TRPM3: variants seen among roughly 807,000 people sequenced by gnomAD.
TRPM3 encodes the protein long transient receptor potential channel 3.
A neutral mutation model predicts 181.2 loss-of-function variants in TRPM3; 77 were observed. The ratio of observed to expected loss-of-function variants is 0.42; its 90% CI spans 0.35 to 0.51. The LOEUF is 0.51. Ranked by LOEUF, TRPM3 falls within the 20% of genes least tolerant of loss-of-function variation. The pLI is 0.01. For missense variants in TRPM3, 1,759 were observed against 2,196.7 expected (o/e 0.80, Z 3.98); for synonymous variants, 745 against 796.4 (o/e 0.94, Z 1.09).
At chr9:70,999,715 A>T (rs2097579048) in intron 1 of TRPM3, among the ~76,000 whole-genome samples, 1 of 152,126 alleles carries the variant, frequency 6.6e-6, no homozygotes, top group Admixed American at 6.5e-5. Flanking sequence ...TATTTGACTC[A>T]TATGTTGATC....
chr9:70,978,733 A>G (rs933277761), intron 1 of TRPM3, among the ~76,000 whole-genome samples: 2 of 152,248 alleles, frequency 1.3e-5, no homozygotes, highest in Non-Finnish European at 2.9e-5. Context: ...ATGAAATGGA[A>G]ACACATTTGT....
At chr9:71,051,896 G>T (rs528090529) in intron 1 of TRPM3, among the ~76,000 whole-genome samples, 1 of 152,194 alleles carries the variant, frequency 6.6e-6, no homozygotes, top group African/African-American at 2.4e-5. Context: ...GTGGGGTGAA[G>T]GGTGAAGAAC....
At chr9:70,753,654 C>A (rs145210050) in intron 8 of TRPM3, among the ~76,000 whole-genome samples, 4 of 152,152 alleles carry the variant, frequency 2.6e-5, no homozygotes, top group African/African-American at 9.6e-5. Flanking sequence ...TTGCTTGAGG[C>A]GTTTGATCTC....
intron 9 of TRPM3, among the ~76,000 whole-genome samples, chr9:70,659,097 A>C (rs1007528085): frequency 6.6e-6 from 1 of 152,156 alleles, no homozygotes; most frequent in African/African-American, 2.4e-5. Context: ...ACTTATGGCA[A>C]TACAGGTATT....
exon 1 of TRPM3, chr9:71,446,834 A>G (rs758342561): frequency 1.3e-6 from 2 of 1,538,724 alleles, no homozygotes; most frequent in South Asian, 1.2e-5. Context: ...CTTCTTCCCC[A>G]TGAGAAGTTC....
At chr9:71,286,672 C>T (rs1017032984) in intron 1 of TRPM3, among the ~76,000 whole-genome samples, 2 of 151,966 alleles carry the variant, frequency 1.3e-5, no homozygotes, top group African/African-American at 4.8e-5. Flanking sequence ...ACATTCTATT[C>T]AATTCCACCT....
intron 1 of TRPM3, among the ~76,000 whole-genome samples, chr9:71,097,128 T>C (rs1171996009): frequency 1.3e-5 from 2 of 152,148 alleles, no homozygotes; most frequent in African/African-American, 4.8e-5. Flanking sequence ...GGTTGCTTTA[T>C]AATGTTTGTT....
intron 8 of TRPM3, chr9:70,761,360 G>T: frequency 1.5e-6 from 1 of 651,234 alleles, no homozygotes; most frequent in Non-Finnish European, 2.8e-6. Context: ...CAGAGCGTTT[G>T]GATGAGCTCC....
At chr9:70,792,844 T>C (rs777932887) in intron 6 of TRPM3, among the ~76,000 whole-genome samples, 1 of 152,060 alleles carries the variant, frequency 6.6e-6, no homozygotes, top group Non-Finnish European at 1.5e-5. Flanking sequence ...GGCCAAAGGG[T>C]AAAATAGAGA....
chr9:71,364,320 T>C (rs1387219708), intron 1 of TRPM3, among the ~76,000 whole-genome samples: 1 of 152,174 alleles, frequency 6.6e-6, no homozygotes, highest in African/African-American at 2.4e-5. Flanking sequence ...TTAAGGAAAC[T>C]TGAACATTCA....
At chr9:70,566,519 T>A (rs957592856) in intron 22 of TRPM3, among the ~76,000 whole-genome samples, 19 of 152,218 alleles carry the variant, frequency 1.2e-4, no homozygotes, top group African/African-American at 4.3e-4. Flanking sequence ...GATAAACTTA[T>A]AACAGTAAGG....
intron 7 of TRPM3, among the ~76,000 whole-genome samples, chr9:70,763,153 C>G (rs1416930761): frequency 6.6e-6 from 1 of 152,078 alleles, no homozygotes; most frequent in Non-Finnish European, 1.5e-5. Flanking sequence ...GGTCACTCAG[C>G]TGGATGAAGG....
intron 8 of TRPM3, among the ~76,000 whole-genome samples, chr9:70,751,280 T>C (rs2135072442): frequency 6.6e-6 from 1 of 152,208 alleles, no homozygotes; most frequent in Admixed American, 6.5e-5. Context: ...TTGATGTAAG[T>C]GGATTAATAT....
At chr9:71,415,309 C>T (rs1462204492) in intron 1 of TRPM3, among the ~76,000 whole-genome samples, 1 of 152,068 alleles carries the variant, frequency 6.6e-6, no homozygotes, top group African/African-American at 2.4e-5. Context: ...GGAGAATAAA[C>T]TTCTGTTGTC....
chr9:71,014,179 A>T (rs2097766909), intron 1 of TRPM3, among the ~76,000 whole-genome samples: 1 of 151,992 alleles, frequency 6.6e-6, no homozygotes, highest in Non-Finnish European at 1.5e-5. Flanking sequence ...TTATTTCAAG[A>T]ATAGTTTAAT....
intron 1 of TRPM3, among the ~76,000 whole-genome samples, chr9:70,867,601 C>G (rs574838656): frequency 1.2e-4 from 18 of 152,018 alleles, no homozygotes; most frequent in African/African-American, 4.3e-4. Context: ...GGGAGGAAAA[C>G]AAAAGAGAAA....
rs200939242 is a variant in TRPM3, at chr9:71,096,293, TA to T, written c.177+24884del. ...ATCAATTTTGATATCTAGTTGCCTT[TA>T]AAAAAAAAAACTACTAAAAATTGCT... On this transcript the variant is annotated intron_variant, in intron 1 of 25. Coordinates refer to ENST00000677713, the MANE Select transcript of TRPM3 (RefSeq NM_001366145.2). 7.0e-3 allele frequency among the ~76,000 whole-genome samples: 971 copies of T among 139,260 alleles called. 23 individuals carry two copies. The East Asian group carries it at 0.083, about 12-fold the overall frequency. The allele number at this position is 139,260 out of a possible 152,430, so 91.4% of individuals were successfully genotyped here. A position where few individuals can be genotyped will look rare whatever the true frequency, so the allele number is the denominator to read the frequency against.
intron 1 of TRPM3, among the ~76,000 whole-genome samples, chr9:71,068,561 G>C (rs1447087455): frequency 6.6e-6 from 1 of 152,198 alleles, no homozygotes; most frequent in African/African-American, 2.4e-5. Flanking sequence ...GTGTCTTAGA[G>C]TGTGGCCCGG....
At chr9:70,680,918 G>C (rs1469856071) in intron 9 of TRPM3, among the ~76,000 whole-genome samples, 1 of 152,166 alleles carries the variant, frequency 6.6e-6, no homozygotes, top group Non-Finnish European at 1.5e-5. Flanking sequence ...ATTGGGACTA[G>C]AGAATAGGAC....
Sources: gnomAD v4.1 joint callset for allele counts (sites outside exome capture counted in the v4.1 genomes callset) on GRCh38, gnomAD v4.1.1 for gene constraint, MANE v1.5 for transcripts, NCBI Gene and HGNC (gene_info 2026-07-23, HGNC 2026-07-21) for gene names.